The following CHRM3 variants were observed in gnomAD, a reference collection of about 807,000 sequenced individuals.
The protein encoded by CHRM3 is muscarinic acetylcholine receptor M3.
In CHRM3, 11 loss-of-function variants were observed where a neutral mutation model predicts 41.8. The ratio of observed to expected loss-of-function variants is 0.26; its 90% CI spans 0.17 to 0.44. The LOEUF (loss-of-function observed/expected upper bound fraction) is 0.44, where lower values mean the gene tolerates loss of function less well. Ranked by LOEUF, CHRM3 falls within the 20% of genes least tolerant of loss-of-function variation. CHRM3 has a pLI of 1.00. For missense variants in CHRM3, 571 were observed against 745.4 expected (o/e 0.77, Z 2.72); for synonymous variants, 297 against 301.4 (o/e 0.99, Z 0.15).
At chr1:239,785,215 T>C (rs2148823932) in intron 5 of CHRM3, among the ~76,000 whole-genome samples, 1 of 152,258 alleles carries the variant, frequency 6.6e-6, no homozygotes, top group East Asian at 1.9e-4. Context: ...TGCTCCCCTA[T>C]AAAAGCCAAG....
At chr1:239,452,463 A>G (rs1050140446) in intron 1 of CHRM3, among the ~76,000 whole-genome samples, 3 of 152,116 alleles carry the variant, frequency 2.0e-5, no homozygotes, top group Admixed American at 2.0e-4. Context: ...AGTTTTTAAA[A>G]TCTCTCCCTG....
intron 5 of CHRM3, chr1:239,826,726 T>C (rs982160744): frequency 1.3e-5 from 2 of 152,106 alleles, no homozygotes; most frequent in African/African-American, 2.4e-5. Context: ...ATAAGCAATG[T>C]ACAAAATATG....
chr1:239,577,412 G>GA lies in CHRM3; in HGVS notation c.-313+31667dup, dbSNP rs559528276. On this transcript the variant is annotated intron_variant, in intron 3 of 6. Transcript: ENST00000676153. ...GTTCAGGGACAATAAGATGTTCATT[G>GA]AAAATACGTAATGACTGAAGTTCTC... is the stretch of plus-strand genomic sequence containing the variant. 1.6e-4 allele frequency among the ~76,000 whole-genome samples: 25 copies of GA among 152,244 alleles called. No individual in the cohort carries two copies. In the East Asian group the frequency reaches 4.4e-3, roughly 27 times the overall value.
At chr1:239,731,436 A>T (rs1013172313) in intron 5 of CHRM3, among the ~76,000 whole-genome samples, 4 of 152,028 alleles carry the variant, frequency 2.6e-5, no homozygotes, top group African/African-American at 9.7e-5. Flanking sequence ...TAAGGTGAAG[A>T]TTAAGGAAGA....
chr1:239,532,219 G>A (rs1379857467), intron 2 of CHRM3, among the ~76,000 whole-genome samples: 1 of 146,874 alleles, frequency 6.8e-6, no homozygotes, highest in African/African-American at 2.5e-5. Context: ...CACCATGTTA[G>A]CCAGGGTGGT....
At chr1:239,866,852 T>C (rs1169368975) in intron 6 of CHRM3, among the ~76,000 whole-genome samples, 1 of 152,184 alleles carries the variant, frequency 6.6e-6, no homozygotes, top group African/African-American at 2.4e-5. Context: ...AACTCTGACT[T>C]GGGATGTTGC....
chr1:239,752,759 T>C (rs938408747), intron 5 of CHRM3, among the ~76,000 whole-genome samples: 7 of 152,230 alleles, frequency 4.6e-5, no homozygotes, highest in Admixed American at 2.0e-4. Context: ...ATTTTTCTAA[T>C]ATGGAAAATT....
At chr1:239,679,893 A>C (rs993419192) in intron 5 of CHRM3, among the ~76,000 whole-genome samples, 11 of 152,188 alleles carry the variant, frequency 7.2e-5, no homozygotes, top group African/African-American at 2.4e-4. Context: ...AGTCCTTCAC[A>C]GTCCGCTCTG....
At chr1:239,534,349 G>A (rs544885105) in intron 2 of CHRM3, among the ~76,000 whole-genome samples, 137 of 152,126 alleles carry the variant, frequency 9.0e-4, no homozygotes, top group Non-Finnish European at 1.4e-3. Context: ...TTAGGAGAAC[G>A]TGCATACTGA....
chr1:239,682,882 C>T (rs1026366596), intron 5 of CHRM3, among the ~76,000 whole-genome samples: 6 of 152,142 alleles, frequency 3.9e-5, no homozygotes, highest in African/African-American at 9.6e-5. Context: ...AATAATTGTA[C>T]ATATTTATGG....
intron 1 of CHRM3, among the ~76,000 whole-genome samples, chr1:239,466,689 C>G (rs1023818141): frequency 1.3e-5 from 2 of 152,044 alleles, no homozygotes; most frequent in African/African-American, 4.8e-5. Context: ...GTCTCAAACT[C>G]TGGGCCTCTA....
chr1:239,528,785 C>G (rs967254868), intron 2 of CHRM3, among the ~76,000 whole-genome samples: 2 of 151,900 alleles, frequency 1.3e-5, no homozygotes, highest in Non-Finnish European at 2.9e-5. Flanking sequence ...CCCAGCTACT[C>G]GGTAGGCTGA....
At chr1:239,639,144 C>G (rs1282504763) in intron 4 of CHRM3, among the ~76,000 whole-genome samples, 1 of 151,896 alleles carries the variant, frequency 6.6e-6, no homozygotes, top group Non-Finnish European at 1.5e-5. Flanking sequence ...GGTACCAGTA[C>G]CATGCTGTTT....
At chr1:239,762,535 A>T (rs915924347) in intron 5 of CHRM3, among the ~76,000 whole-genome samples, 14 of 152,194 alleles carry the variant, frequency 9.2e-5, no homozygotes, top group African/African-American at 2.9e-4. Context: ...ATGTGTGATC[A>T]TTGGGCCTGT....
intron 6 of CHRM3, among the ~76,000 whole-genome samples, chr1:239,880,589 G>A (rs1265981466): frequency 6.6e-6 from 1 of 152,116 alleles, no homozygotes; most frequent in Non-Finnish European, 1.5e-5. Context: ...GCTAACTCCT[G>A]GGCCAAAGTC....
At chr1:239,861,120 T>TATTCTCTGAGCCAGGC (rs1336738358) in intron 6 of CHRM3, among the ~76,000 whole-genome samples, 1 of 152,174 alleles carries the variant, frequency 6.6e-6, no homozygotes, top group African/African-American at 2.4e-5. Flanking sequence ...CTATTGAGTG[T>TATTCTCTGAGCCAGGC]ATTCTCTGAG....
chr1:239,399,263 T>C (rs1659756164), intron 1 of CHRM3, among the ~76,000 whole-genome samples: 2 of 152,216 alleles, frequency 1.3e-5, no homozygotes, highest in Non-Finnish European at 2.9e-5. Flanking sequence ...TGGTGTACAG[T>C]GTAATGCTTT....
At chr1:239,858,384 A>C (rs1290892553) in intron 6 of CHRM3, among the ~76,000 whole-genome samples, 1 of 152,166 alleles carries the variant, frequency 6.6e-6, no homozygotes, top group Non-Finnish European at 1.5e-5. Flanking sequence ...GAATAACATG[A>C]GGAATGTAAG....
chr1:239,408,217 C>G (rs1245738926), intron 1 of CHRM3: 1 of 152,132 alleles, frequency 6.6e-6, no homozygotes, highest in Non-Finnish European at 1.5e-5. Context: ...CGTGTGAGGA[C>G]AGACGTATTT....
Sources: gnomAD v4.1 joint callset for allele counts (sites outside exome capture counted in the v4.1 genomes callset) on GRCh38, gnomAD v4.1.1 for gene constraint, MANE v1.5 for transcripts, NCBI Gene and HGNC (gene_info 2026-07-23, HGNC 2026-07-21) for gene names.